The following MARCHF4 variants were observed in gnomAD, a reference collection of about 807,000 sequenced individuals.
MARCHF4 encodes E3 ubiquitin-protein ligase MARCHF4.
MARCHF4 carries 14 observed loss-of-function variants against 43.9 expected under a neutral mutation model. That is an observed-to-expected ratio of 0.32 (90% CI 0.21 to 0.50). The LOEUF (loss-of-function observed/expected upper bound fraction) is 0.50. MARCHF4 is among the 20% of genes least tolerant of loss of function. The probability of loss-of-function intolerance (pLI) is 0.98; values close to 1 mark genes in which losing one functional copy is unlikely to be tolerated. For synonymous variants in MARCHF4, 226 were observed against 213.3 expected (o/e 1.06, Z -0.52); for missense variants, 468 against 536.7 (o/e 0.87, Z 1.27).
At chr2:216,260,698 G>A (rs755897518) in intron 3 of MARCHF4, among the ~76,000 whole-genome samples, 10 of 152,196 alleles carry the variant, frequency 6.6e-5, no homozygotes, top group Non-Finnish European at 1.3e-4. Flanking sequence ...TATAGGCCAT[G>A]GCTAGGGATT....
At chr2:216,329,193 A>G (rs918656046) in intron 1 of MARCHF4, among the ~76,000 whole-genome samples, 1 of 152,176 alleles carries the variant, frequency 6.6e-6, no homozygotes, top group African/African-American at 2.4e-5. Flanking sequence ...ATCCCGGCTA[A>G]CATGGTGAAA....
intron 3 of MARCHF4, among the ~76,000 whole-genome samples, chr2:216,264,541 A>G (rs1463511471): frequency 6.6e-6 from 1 of 152,226 alleles, no homozygotes; most frequent in Non-Finnish European, 1.5e-5. Context: ...TCTTTTCTCC[A>G]GACTGTAATC....
chr2:216,333,101 A>C (rs1433085970), intron 1 of MARCHF4, among the ~76,000 whole-genome samples: 4 of 152,244 alleles, frequency 2.6e-5, no homozygotes. Context: ...GGGACAGGCA[A>C]AATTTTCTTA....
At chr2:216,318,869 C>T (rs1691829646) in intron 1 of MARCHF4, among the ~76,000 whole-genome samples, 1 of 151,960 alleles carries the variant, frequency 6.6e-6, no homozygotes, top group South Asian at 2.1e-4. Flanking sequence ...ATTTTAAAGA[C>T]ACAGATTTCA....
chr2:216,360,764 A>T (rs1359777589), intron 1 of MARCHF4, among the ~76,000 whole-genome samples: 2 of 152,236 alleles, frequency 1.3e-5, no homozygotes, highest in East Asian at 3.8e-4. Context: ...ACTTTGGGTG[A>T]TAATGATGTG....
intron 1 of MARCHF4, among the ~76,000 whole-genome samples, chr2:216,355,748 C>G (rs1206805584): frequency 6.6e-6 from 1 of 152,220 alleles, no homozygotes. Context: ...AAAGACCAGA[C>G]CCTCTGGGTT....
At chr2:216,366,434 G>C (rs1426882102) in intron 1 of MARCHF4, among the ~76,000 whole-genome samples, 1 of 152,220 alleles carries the variant, frequency 6.6e-6, no homozygotes, top group Non-Finnish European at 1.5e-5. Context: ...GTGGAGAGGA[G>C]AGAGGCTACT....
chr2:216,359,042 C>T (rs1692540283), intron 1 of MARCHF4, among the ~76,000 whole-genome samples: 1 of 152,182 alleles, frequency 6.6e-6, no homozygotes, highest in Non-Finnish European at 1.5e-5. Flanking sequence ...TTGTATTAGT[C>T]AGGGAAATTA....
intron 1 of MARCHF4, among the ~76,000 whole-genome samples, chr2:216,319,414 C>T (rs1691843686): frequency 6.6e-6 from 1 of 152,144 alleles, no homozygotes; most frequent in Non-Finnish European, 1.5e-5. Flanking sequence ...CAGTGCACGG[C>T]AGACACTCAT....
At chr2:216,348,887 A>G (rs1198382430) in intron 1 of MARCHF4, among the ~76,000 whole-genome samples, 1 of 152,132 alleles carries the variant, frequency 6.6e-6, no homozygotes, top group Admixed American at 6.5e-5. Context: ...TCAATTTTCC[A>G]CTAACATCCT....
chr2:216,261,120 TTGC>T (rs376049196), intron 3 of MARCHF4, among the ~76,000 whole-genome samples: 1 of 152,268 alleles, frequency 6.6e-6, no homozygotes, highest in East Asian at 1.9e-4. Context: ...TCATTTCCTA[TTGC>T]TGCAGTGACA....
chr2:216,354,939 C>G (rs930489623), intron 1 of MARCHF4, among the ~76,000 whole-genome samples: 4 of 137,888 alleles, frequency 2.9e-5, no homozygotes, highest in Non-Finnish European at 6.2e-5. Flanking sequence ...TTCTTTCTTT[C>G]TTTCTTTCTT....
chr2:216,320,118 G>C (rs936580634), intron 1 of MARCHF4, among the ~76,000 whole-genome samples: 2 of 152,154 alleles, frequency 1.3e-5, no homozygotes, highest in South Asian at 4.1e-4. Context: ...ATTACTGTAA[G>C]ACACAAAGAT....
chr2:216,328,569 T>C (rs1173484765), intron 1 of MARCHF4, among the ~76,000 whole-genome samples: 3 of 152,212 alleles, frequency 2.0e-5, no homozygotes, highest in Non-Finnish European at 4.4e-5. Context: ...TTAGAGCCCT[T>C]GTTCACTTCT....
Position 216,273,391 on chromosome 2 carries a change from G to C in MARCHF4, c.865+4281C>G, listed in dbSNP as rs1285136075. ...TTCCTCTTCTCTTACTCGGCTTTTT[G>C]AGCCAACACAGGGCTAGACTCATTT... On this transcript the variant is annotated intron_variant, in intron 3 of 3. Coordinates refer to ENST00000273067, the MANE Select transcript of MARCHF4 (RefSeq NM_020814.3). 3.3e-5 allele frequency among the ~76,000 whole-genome samples: 5 copies of C among 152,252 alleles called. No homozygotes were observed. In the East Asian group the frequency reaches 7.7e-4, roughly 24 times the overall value.
At chr2:216,310,558 A>G (rs1407088933) in intron 1 of MARCHF4, among the ~76,000 whole-genome samples, 1 of 152,126 alleles carries the variant, frequency 6.6e-6, no homozygotes, top group Non-Finnish European at 1.5e-5. Flanking sequence ...CATCATACCC[A>G]GCCAGTTCTT....
chr2:216,277,781 A>G lies in MARCHF4; in HGVS notation c.756T>C (p.Ile252=), dbSNP rs546513661. Residue 252 remains isoleucine (I), a synonymous_variant, in exon 3 of 4, where the codon ATT becomes ATC. Coordinates refer to ENST00000273067, the MANE Select transcript of MARCHF4 (RefSeq NM_020814.3). ...ILGSLFLIAS[I]SWLIWSTFSP... is the part of the protein sequence containing the mutation. Reference sequence around the variant, plus strand: ...TGAAAGTTGACCAGATGAGCCAAGAAATACTGGCGATGAGGAAGAGGGAGC... The same window carrying G: ...TGAAAGTTGACCAGATGAGCCAAGAGATACTGGCGATGAGGAAGAGGGAGC... 1 of 1,614,210 alleles carries G rather than the reference A, an allele frequency of 6.2e-7. No individual in the cohort carries two copies. Among genetic ancestry groups the G allele is most frequent in the African/African-American group, 1.3e-5 (1 of 75,058 alleles).
At position 216,259,090 on chromosome 2, in the gene MARCHF4, G is replaced by A; in HGVS notation, c.*222C>T. 2.1e-6 allele frequency: 1 copy of A among 478,604 alleles called. No homozygotes were observed. Among genetic ancestry groups the A allele is most frequent in the African/African-American group, 1.9e-5 (1 of 52,752 alleles). 29.6% of individuals were successfully genotyped at this position (478,604 alleles called of 1,614,324 possible). Reference sequence around the variant, plus strand: ...TATTGCACTTTGTTGTTGAGTTGGTGTTGGTTTTCATTGTTGTTGTGGAGA... The same window carrying A: ...TATTGCACTTTGTTGTTGAGTTGGTATTGGTTTTCATTGTTGTTGTGGAGA... On this transcript the variant is annotated 3_prime_UTR_variant, in exon 4 of 4. Transcript: ENST00000273067.
chr2:216,263,502 AG>A (rs1690781234), intron 3 of MARCHF4, among the ~76,000 whole-genome samples: 3 of 141,312 alleles, frequency 2.1e-5, no homozygotes, highest in Admixed American at 2.1e-4. Flanking sequence ...AAAGAGAGAG[AG>A]AGAGAGAGAG....
Sources: allele counts gnomAD v4.1 joint callset (sites outside exome capture counted in the v4.1 genomes callset), GRCh38; gene constraint gnomAD v4.1.1; transcripts MANE v1.5; gene names NCBI Gene and HGNC (gene_info 2026-07-23, HGNC 2026-07-21).